Variants in LRP1B observed in about 807,000 individuals in gnomAD.
The protein encoded by LRP1B is low-density lipoprotein receptor-related protein 1B.
Under a neutral mutation model 556.6 loss-of-function variants are expected in LRP1B, and 217 were observed. The ratio of observed to expected loss-of-function variants is 0.39; its 90% CI spans 0.35 to 0.44. LRP1B has a LOEUF of 0.44. Ranked by LOEUF, LRP1B falls within the 20% of genes least tolerant of loss-of-function variation. The probability of loss-of-function intolerance (pLI) is 1.00; values close to 1 mark genes in which losing one functional copy is unlikely to be tolerated. For missense variants in LRP1B, 5,053 were observed against 5,620.8 expected (o/e 0.90, Z 3.23); for synonymous variants, 2,047 against 1,865.8 (o/e 1.10, Z -2.50).
chr2:140,688,258 T>C (rs555990107), intron 41 of LRP1B, among the ~76,000 whole-genome samples: 82 of 152,318 alleles, frequency 5.4e-4, no homozygotes, highest in East Asian at 1.9e-3. Context: ...TAAACACTTA[T>C]ACTCTTGAAG....
chr2:141,744,529 T>C (rs994046688), intron 2 of LRP1B, among the ~76,000 whole-genome samples: 3 of 152,192 alleles, frequency 2.0e-5, no homozygotes, highest in African/African-American at 7.2e-5. Context: ...TTACACCCAA[T>C]GTTTCTTTGC....
At chr2:140,333,182 C>T (rs955384962) in intron 79 of LRP1B, among the ~76,000 whole-genome samples, 1 of 152,076 alleles carries the variant, frequency 6.6e-6, no homozygotes, top group African/African-American at 2.4e-5. Context: ...TCCTCATATT[C>T]ACTTCACTTG....
intron 43 of LRP1B, among the ~76,000 whole-genome samples, chr2:140,582,254 C>T (rs957098605): frequency 6.6e-6 from 1 of 152,104 alleles, no homozygotes; most frequent in Non-Finnish European, 1.5e-5. Context: ...AAATGAGACC[C>T]ATGCCTCATA....
At chr2:140,421,768 A>G (rs1685455493) in intron 66 of LRP1B, among the ~76,000 whole-genome samples, 1 of 152,182 alleles carries the variant, frequency 6.6e-6, no homozygotes, top group South Asian at 2.1e-4. Context: ...CCCATTTGCA[A>G]ATGAAGAAAC....
chr2:140,854,113 A>G (rs1373275849), intron 27 of LRP1B, among the ~76,000 whole-genome samples: 3 of 151,896 alleles, frequency 2.0e-5, no homozygotes, highest in Non-Finnish European at 2.9e-5. Context: ...AGAGAGGAGT[A>G]AAAGGGAAGA....
intron 2 of LRP1B, among the ~76,000 whole-genome samples, chr2:141,491,894 G>C (rs1439660231): frequency 6.6e-6 from 1 of 151,642 alleles, no homozygotes; most frequent in Non-Finnish European, 1.5e-5. Context: ...TTCCTCTATA[G>C]GCTAAAATAA....
intron 4 of LRP1B, 143 bp downstream of exon 4, chr2:141,254,379 G>A: frequency 1.3e-6 from 1 of 747,312 alleles, no homozygotes; most frequent in Admixed American, 3.2e-5. Flanking sequence ...GTTTTTGTTG[G>A]GGGGGCAACT....
chr2:140,359,279 G>T (rs1399292340), intron 72 of LRP1B, among the ~76,000 whole-genome samples: 3 of 151,612 alleles, frequency 2.0e-5, no homozygotes, highest in Non-Finnish European at 3.0e-5. Context: ...AGGACACTTA[G>T]CTATCTCAAA....
chr2:140,744,849 G>C (rs1330070272), intron 35 of LRP1B, among the ~76,000 whole-genome samples: 1 of 152,090 alleles, frequency 6.6e-6, no homozygotes, highest in Non-Finnish European at 1.5e-5. Flanking sequence ...CAAGCTCCAG[G>C]AGAGGAGAGA....
chr2:141,384,977 TG>T (rs1370949176), intron 3 of LRP1B, among the ~76,000 whole-genome samples: 1 of 152,192 alleles, frequency 6.6e-6, no homozygotes, highest in Non-Finnish European at 1.5e-5. Context: ...TCCAACGCTC[TG>T]GTCCCCTGGA....
chr2:141,360,099 A>G (rs921810412), intron 3 of LRP1B, among the ~76,000 whole-genome samples: 2 of 152,238 alleles, frequency 1.3e-5, no homozygotes, highest in Non-Finnish European at 1.5e-5. Context: ...TATCTACTTC[A>G]AAAACACAAG....
chr2:142,107,312 T>A (rs932116710), intron 1 of LRP1B, among the ~76,000 whole-genome samples: 1 of 152,200 alleles, frequency 6.6e-6, no homozygotes, highest in Non-Finnish European at 1.5e-5. Flanking sequence ...ATAAGGGTTC[T>A]GCCCTCGTTG....
chr2:141,514,406 A>G (rs986220137), intron 2 of LRP1B, among the ~76,000 whole-genome samples: 18 of 152,092 alleles, frequency 1.2e-4, no homozygotes, highest in Non-Finnish European at 2.4e-4. Flanking sequence ...TTGGCCCTGC[A>G]AGGTGTGCTC....
intron 2 of LRP1B, among the ~76,000 whole-genome samples, chr2:141,777,790 C>G (rs1203941552): frequency 2.0e-5 from 3 of 152,120 alleles, no homozygotes; most frequent in African/African-American, 7.2e-5. Flanking sequence ...CTGGGCTATT[C>G]TTGAAACACA....
chr2:140,541,129 T>C (rs2105017647), intron 44 of LRP1B, 31 bp from the exon 45 acceptor site: 1 of 1,556,190 alleles, frequency 6.4e-7, no homozygotes, highest in South Asian at 1.1e-5. Flanking sequence ...TGGTAACATT[T>C]TATATCGAAT....
intron 7 of LRP1B, among the ~76,000 whole-genome samples, chr2:141,166,842 ACT>A (rs1344426080): frequency 6.7e-6 from 1 of 149,754 alleles, no homozygotes; most frequent in African/African-American, 2.5e-5. Context: ...TCTCAATTAA[ACT>A]CTTTTGATTT....
At chr2:141,899,190 A>C (rs956718211) in intron 1 of LRP1B, among the ~76,000 whole-genome samples, 39 of 152,116 alleles carry the variant, frequency 2.6e-4, no homozygotes, top group Non-Finnish European at 7.3e-5. Context: ...CAAGCTAATA[A>C]AAAGCTTTCA....
chr2:141,512,802 G>T (rs1412864170), intron 2 of LRP1B, among the ~76,000 whole-genome samples: 8 of 151,808 alleles, frequency 5.3e-5, no homozygotes, highest in Non-Finnish European at 1.0e-4. Flanking sequence ...TTGAGTAATT[G>T]ACCAAGGACA....
intron 31 of LRP1B, among the ~76,000 whole-genome samples, chr2:140,819,657 T>C (rs886692857): frequency 3.9e-5 from 6 of 152,132 alleles, no homozygotes; most frequent in South Asian, 2.1e-4. Flanking sequence ...TTCAATATCA[T>C]AGGAAAATGC....
Sources: gnomAD v4.1 joint callset for allele counts (sites outside exome capture counted in the v4.1 genomes callset) on GRCh38, gnomAD v4.1.1 for gene constraint, MANE v1.5 for transcripts, NCBI Gene and HGNC (gene_info 2026-07-23, HGNC 2026-07-21) for gene names.